Variants in TBRG4 observed in about 807,000 individuals in gnomAD.
TBRG4 encodes the protein transforming growth factor beta regulator 4.
Under a neutral mutation model 65.6 loss-of-function variants are expected in TBRG4, and 43 were observed. The observed-to-expected ratio is 0.66, with a 90% CI of 0.51 to 0.85. The LOEUF (loss-of-function observed/expected upper bound fraction) is 0.85. Among genes scored for constraint, TBRG4 ranks in the 40% least tolerant of loss-of-function variants. The probability of loss-of-function intolerance (pLI) is 0.00; values close to 1 mark genes in which losing one functional copy is unlikely to be tolerated. For missense variants in TBRG4, 709 were observed against 787.9 expected, an observed-to-expected ratio of 0.90 and a Z score of 1.20; for synonymous variants, 366 against 341.4, an observed-to-expected ratio of 1.07 and a Z score of -0.79.
intron 9 of TBRG4, 59 bp downstream of exon 9, chr7:45,101,444 A>C (rs1218456658): frequency 6.2e-7 from 1 of 1,603,178 alleles, no homozygotes; most frequent in African/African-American, 1.3e-5. Flanking sequence ...TGGAAAGCAA[A>C]GAATATGCAG....
At chr7:45,108,571 C>T (rs1396156082) in intron 2 of TBRG4, among the ~76,000 whole-genome samples, 2 of 152,240 alleles carry the variant, frequency 1.3e-5, no homozygotes, top group African/African-American at 4.8e-5. Flanking sequence ...GAACCAGGCT[C>T]ACTTCCCATG....
chr7:45,108,606 G>A (rs888907715), intron 2 of TBRG4, among the ~76,000 whole-genome samples: 1 of 152,258 alleles, frequency 6.6e-6, no homozygotes, highest in Non-Finnish European at 1.5e-5. Flanking sequence ...CGTCTTGGCT[G>A]TCTGTAAGAC....
Position 45,111,697 on chromosome 7 carries a change from T to G in TBRG4, c.-105A>C, listed in dbSNP as rs528039991. On this transcript the variant is annotated 5_prime_UTR_variant, in exon 1 of 11. It removes an upstream start codon present in the reference 5' UTR. Transcript: ENST00000258770. ...GCCGCCCTAACTGTCCCCGGAACCA[T>G]GAGGTGCGCGGCGCGCTTCCCTACG... 3 of 1,289,028 alleles carry G rather than the reference T, an allele frequency of 2.3e-6. No individual in the cohort carries two copies. Among genetic ancestry groups the G allele is most frequent in the Non-Finnish European group, 3.0e-6 (3 of 988,782 alleles). 79.8% of individuals were successfully genotyped at this position (1,289,028 alleles called of 1,614,324 possible). A position where few individuals can be genotyped will look rare whatever the true frequency, so the allele number is the denominator to read the frequency against.
At chr7:45,109,807 T>C (rs1048508989) in intron 1 of TBRG4, among the ~76,000 whole-genome samples, 2 of 151,834 alleles carry the variant, frequency 1.3e-5, no homozygotes, top group African/African-American at 4.8e-5. Flanking sequence ...TGAAACCCCA[T>C]CTTTACTAAA....
At chr7:45,108,100 C>G (rs1785015091) in intron 2 of TBRG4, among the ~76,000 whole-genome samples, 1 of 152,244 alleles carries the variant, frequency 6.6e-6, no homozygotes, top group Admixed American at 6.5e-5. Context: ...TCAGTTAGTG[C>G]AACTCCTTCC....
In TBRG4 at chr7:45,109,269, T is replaced by C. The variant is rs199590136; in HGVS notation, c.-32A>G. ...CTGGGTGGCAGAGAGACAAGACTCC[T>C]AGCAAGTGATTCCAAACCCTGAAGA... is the stretch of plus-strand genomic sequence containing the variant. On this transcript the variant is annotated 5_prime_UTR_variant, in exon 2 of 11. An upstream open reading frame in the 5' UTR loses its in-frame stop. Transcript: ENST00000258770. The C allele has an allele frequency of 6.5e-7, 1 of 1,536,162 alleles. No homozygotes were observed. The highest frequency in any genetic ancestry group is 8.7e-7 in the Non-Finnish European group (1 of 1,144,158).
rs371533120 is a variant in TBRG4, at chr7:45,105,715, T to C, written c.461A>G (p.Tyr154Cys). The change falls in exon 3 of 11, where the codon TAT becomes TGT. Residue 154 changes from tyrosine to cysteine, a missense_variant. Transcript: ENST00000258770. Reference protein sequence around the residue: ...GTLSKLLGSLYALGIPKASKE... With the variant: ...GTLSKLLGSLCALGIPKASKE... Reference sequence around the variant, plus strand: ...GGAGGCCTTGGGGATGCCCAGAGCATACAGGCTTCCCAGCAGCTTCGAGAG... The same window carrying C: ...GGAGGCCTTGGGGATGCCCAGAGCACACAGGCTTCCCAGCAGCTTCGAGAG... 1.9e-6 allele frequency: 3 copies of C among 1,613,694 alleles called. No homozygotes were observed. Among genetic ancestry groups the C allele is most frequent in the Non-Finnish European group, 2.5e-6 (3 of 1,179,900 alleles).
chr7:45,103,318 G>A lies in TBRG4; in HGVS notation c.1176+15C>T. 6.2e-7 allele frequency: 1 copy of A among 1,600,224 alleles called. No homozygotes were observed. The highest frequency in any genetic ancestry group is 8.5e-7 in the Non-Finnish European group (1 of 1,169,952). On this transcript the variant is annotated intron_variant, in intron 6 of 10. Coordinates refer to ENST00000258770, the MANE Select transcript of TBRG4 (RefSeq NM_004749.4). Reference sequence around the variant, plus strand: ...GGAGGATAAAGGTCGAGCAGTGGGAGCCCAGAGGCCCTACCAGGCTGAAGA... The same window carrying A: ...GGAGGATAAAGGTCGAGCAGTGGGAACCCAGAGGCCCTACCAGGCTGAAGA...
Position 45,101,346 on chromosome 7 carries a change from G to C in TBRG4, c.1706C>G (p.Pro569Arg), listed in dbSNP as rs1290277041. The C allele has an allele frequency of 2.5e-6, 4 of 1,613,860 alleles. No individual in the cohort carries two copies. In the African/African-American group the frequency reaches 4.0e-5, roughly 16 times the overall value. The change falls in exon 10 of 11, where the codon CCC (proline) becomes CGC (arginine). Residue 569 changes from proline (P) to arginine (R), a missense_variant. Transcript: ENST00000258770. ...GTCCTTGCTTCGGCTGTTGAAGTTGGGGAACTCCCACCGCAAGAACGCTAG... is the reference window on the plus strand; with the variant it reads ...GTCCTTGCTTCGGCTGTTGAAGTTGCGGAACTCCCACCGCAAGAACGCTAG... ...KRLAFLRWEF[P>R]NFNSRSKDLL...
chr7:45,105,308 C>T, intron 3 of TBRG4, 133 bp downstream of exon 3: 1 of 1,027,844 alleles, frequency 9.7e-7, no homozygotes, highest in East Asian at 2.5e-5. Flanking sequence ...ATGCCTGAGG[C>T]TCCAGACAGA....
intron 1 of TBRG4, 151 bp downstream of exon 1, chr7:45,111,492 G>C: frequency 1.0e-6 from 1 of 962,580 alleles, no homozygotes; most frequent in Non-Finnish European, 1.4e-6. Flanking sequence ...AAGCCAGCAC[G>C]GAACGAGCAG....
intron 2 of TBRG4, chr7:45,107,057 C>T (rs3757572): frequency 6.6e-6 from 1 of 151,794 alleles, no homozygotes; most frequent in Non-Finnish European, 1.5e-5. Flanking sequence ...TTTGCAGGAA[C>T]GCTTTTGACA....
In TBRG4 at chr7:45,100,261, C is replaced by A; in HGVS notation, c.*64G>T. On this transcript the variant is annotated 3_prime_UTR_variant, in exon 11 of 11. Transcript: ENST00000258770. ...CAGAGGTTTGTCCTCAAGGGTGACC[C>A]TTCTTGGCCGCCCACAGCTAGACCT... 7.0e-7 allele frequency: 1 copy of A among 1,438,474 alleles called. No individual in the cohort carries two copies. Among genetic ancestry groups the A allele is most frequent in the South Asian group, 1.2e-5 (1 of 81,214 alleles). The allele number at this position is 1,438,474 out of a possible 1,614,324, so 89.1% of individuals were successfully genotyped here. A position where few individuals can be genotyped will look rare whatever the true frequency, so the allele number is the denominator to read the frequency against.
intron 10 of TBRG4, among the ~76,000 whole-genome samples, chr7:45,100,789 G>A (rs1006848876): frequency 1.3e-5 from 2 of 152,234 alleles, no homozygotes; most frequent in African/African-American, 4.8e-5. Context: ...TCCCAGGGAA[G>A]GTGACCACCT....
Position 45,105,582 on chromosome 7 carries a change from C to T in TBRG4, c.594G>A (p.Gln198=). The T allele has an allele frequency of 6.2e-7, 1 of 1,614,168 alleles. No individual in the cohort carries two copies. The highest frequency in any genetic ancestry group is 8.5e-7 in the Non-Finnish European group (1 of 1,180,048). Residue 198 remains glutamine (Q), a synonymous_variant, in exon 3 of 11, where the codon CAG becomes CAA. Transcript: ENST00000258770. ...GCTCAGCCAGCAGCTCCTGCGAGTG[C>T]TGCTCCTGTGAGAGGGTGGCACAGG... The part of the protein sequence containing the change: ...AESCATLSQE[Q]HSQELLAELL...
Position 45,105,569 on chromosome 7 carries a change from G to A in TBRG4, c.607C>T (p.Leu203=). 1 of 1,614,178 alleles carries A rather than the reference G, an allele frequency of 6.2e-7. No homozygotes were observed. Among genetic ancestry groups the A allele is most frequent in the South Asian group, 1.1e-5 (1 of 91,082 alleles). The change falls in exon 3 of 11, where the codon CTG becomes TTG. Residue 203 remains leucine, a synonymous_variant. Transcript: ENST00000258770. ...TLSQEQHSQE[L]LAELLTHLER... is the part of the protein sequence containing the mutation. ...AGGTGTGTGAGCAGCTCAGCCAGCA[G>A]CTCCTGCGAGTGCTGCTCCTGTGAG...
chr7:45,105,822 C>T, intron 2 of TBRG4, 58 bp from the exon 3 acceptor site: 1 of 1,543,048 alleles, frequency 6.5e-7, no homozygotes, highest in Non-Finnish European at 8.8e-7. Context: ...TGTGTGTGAG[C>T]TGGAGGCTAC....
rs886966246 is a variant in TBRG4 at position 45,100,128 on chromosome 7, G to A, written c.*197C>T. On this transcript the variant is annotated 3_prime_UTR_variant, in exon 11 of 11. Transcript: ENST00000258770. ...CAGTGCAGAGGGTGACCAAGCCTGG[G>A]AAGGCCCCAGGGGTCCAACACCAAA... The A allele has an allele frequency of 3.7e-6, 2 of 544,438 alleles. No individual in the cohort carries two copies. Among genetic ancestry groups the A allele is most frequent in the Admixed American group, 6.7e-5 (2 of 29,904 alleles). The allele number at this position is 544,438 out of a possible 1,614,324, so 33.7% of individuals were successfully genotyped here. A position where few individuals can be genotyped will look rare whatever the true frequency, so the allele number is the denominator to read the frequency against.
chr7:45,111,436 T>A (rs1431560221), intron 1 of TBRG4: 1 of 418,476 alleles, frequency 2.4e-6, no homozygotes, highest in Non-Finnish European at 3.9e-6. Context: ...GGGCGGCGTC[T>A]TCCAGGCCTG....
Sources: allele counts gnomAD v4.1 joint callset (sites outside exome capture counted in the v4.1 genomes callset), GRCh38; gene constraint gnomAD v4.1.1; transcripts MANE v1.5; gene names NCBI Gene and HGNC (gene_info 2026-07-23, HGNC 2026-07-21).